NME5: variants seen among roughly 807,000 people sequenced by gnomAD.
The protein encoded by NME5 is NME/NM23 family member 5.
A neutral mutation model predicts 21.6 loss-of-function variants in NME5; 18 were observed. The observed-to-expected ratio is 0.83, with a 90% CI of 0.58 to 1.24. NME5 has a LOEUF of 1.24. Ranked by LOEUF, NME5 falls within the 50% of genes most tolerant of loss-of-function variation. NME5 has a pLI of 0.00. For synonymous variants in NME5, 70 were observed against 80.6 expected (o/e 0.87, Z 0.71); for missense variants, 223 against 255.4 (o/e 0.87, Z 0.86).
intron 4 of NME5, among the ~76,000 whole-genome samples, chr5:138,120,586 T>C (rs1047360163): frequency 1.3e-5 from 2 of 152,164 alleles, no homozygotes; most frequent in Non-Finnish European, 2.9e-5. Flanking sequence ...AGCTTTTAAT[T>C]TGATTTAGTC....
intron 4 of NME5, among the ~76,000 whole-genome samples, chr5:138,125,197 C>T (rs929487324): frequency 1.3e-4 from 20 of 152,148 alleles, no homozygotes; most frequent in African/African-American, 4.3e-4. Flanking sequence ...GTTGGAATCA[C>T]AGGTGTGAGC....
intron 4 of NME5, among the ~76,000 whole-genome samples, chr5:138,124,567 G>C (rs1672441823): frequency 6.6e-6 from 1 of 152,136 alleles, no homozygotes; most frequent in African/African-American, 2.4e-5. Flanking sequence ...TGTCACCCAA[G>C]TGAAGTACAG....
Position 138,138,513 on chromosome 5 carries a change from A to G in NME5, c.129+139T>C, listed in dbSNP as rs1361763296. The G allele has an allele frequency of 1.2e-5, 8 of 689,596 alleles. No homozygotes were observed. The South Asian group carries it at 1.6e-4, about 14-fold the overall frequency. The allele number at this position is 689,596 out of a possible 1,614,324, so 42.7% of individuals were successfully genotyped here. A position where few individuals can be genotyped will look rare whatever the true frequency, so the allele number is the denominator to read the frequency against. The stretch of plus-strand genomic sequence containing the variant: ...TACATCCTTTTAAAAACTATCACAT[A>G]TAACTTTTATACTTAGAAGAATAAA... On this transcript the variant is annotated intron_variant, in intron 2 of 5. Coordinates refer to ENST00000265191, the MANE Select transcript of NME5 (RefSeq NM_003551.3).
intron 4 of NME5, among the ~76,000 whole-genome samples, chr5:138,122,441 T>TAAAAAAAAAAAAAAAAAA (rs70979581): frequency 0.015 from 507 of 34,462 alleles, 12 homozygotes; most frequent in Non-Finnish European, 0.018. Context: ...ACTCTGTCTC[T>TAAAAAAAAAAAAAAAAAA]AAAAAAAAAA....
In NME5 at chr5:138,118,873, G is replaced by T. The variant is rs779147353; in HGVS notation, c.500C>A (p.Pro167Gln). ...CTCTGTGAGTCCTTCAAGCAGAGTTGGCATTATATGTAAATTTAAATAGTC... is the reference window on the plus strand; with the variant it reads ...CTCTGTGAGTCCTTCAAGCAGAGTTTGCATTATATGTAAATTTAAATAGTC... Reference protein sequence around the residue: ...AKDYLNLHIMPTLLEGLTELC... With the variant: ...AKDYLNLHIMQTLLEGLTELC... Residue 167 changes from proline (P) to glutamine (Q), a missense_variant, in exon 5 of 6, where the codon CCA (proline) becomes CAA (glutamine). Coordinates refer to ENST00000265191, the MANE Select transcript of NME5 (RefSeq NM_003551.3). The T allele has an allele frequency of 9.9e-6, 16 of 1,613,638 alleles. No individual in the cohort carries two copies. Among genetic ancestry groups the T allele is most frequent in the Admixed American group, 1.7e-5 (1 of 59,996 alleles).
chr5:138,116,192 G>A (rs1751153070), intron 5 of NME5: 1 of 153,558 alleles, frequency 6.5e-6, no homozygotes, highest in Non-Finnish European at 1.4e-5. Flanking sequence ...GAAGCGAAAG[G>A]CTTATACATT....
chr5:138,122,020 T>C (rs760619258), intron 4 of NME5, among the ~76,000 whole-genome samples: 5 of 152,096 alleles, frequency 3.3e-5, no homozygotes, highest in Admixed American at 1.3e-4. Flanking sequence ...TTAGAAAGAA[T>C]TGCCATCTTA....
chr5:138,123,912 C>T, intron 4 of NME5, among the ~76,000 whole-genome samples: 1 of 150,544 alleles, frequency 6.6e-6, no homozygotes. Context: ...TGATAATAGC[C>T]ATCCTAACGT....
At chr5:138,134,920 G>T (rs1451077692) in intron 2 of NME5, among the ~76,000 whole-genome samples, 1 of 147,992 alleles carries the variant, frequency 6.8e-6, no homozygotes, top group Non-Finnish European at 1.5e-5. Flanking sequence ...TTTCGCTGTG[G>T]TCTCAATCTC....
intron 4 of NME5, among the ~76,000 whole-genome samples, chr5:138,122,807 A>T (rs1751316963): frequency 6.6e-6 from 1 of 151,476 alleles, no homozygotes; most frequent in Non-Finnish European, 1.5e-5. Flanking sequence ...CCTCCTGAGT[A>T]GCTGGGATTA....
intron 2 of NME5, among the ~76,000 whole-genome samples, chr5:138,135,310 A>C (rs1405181994): frequency 7.5e-6 from 1 of 132,732 alleles, no homozygotes. Flanking sequence ...ACAGAGCGAG[A>C]CTCCGTCTCA....
At chr5:138,138,580 C>G (rs1751773411) in intron 2 of NME5, 72 bp downstream of exon 2, 2 of 1,360,720 alleles carry the variant, frequency 1.5e-6, no homozygotes, top group Non-Finnish European at 1.0e-6. Context: ...AATGGGTAGG[C>G]ACATTTACAT....
chr5:138,128,736 C>T lies in NME5; in HGVS notation c.336-157G>A, dbSNP rs2151164859. Reference sequence around the variant, plus strand: ...AATTTAAGCTTAAATTTAAGCTTATCTATCTAGATAAGGATCAAATATATT... The same window carrying T: ...AATTTAAGCTTAAATTTAAGCTTATTTATCTAGATAAGGATCAAATATATT... On this transcript the variant is annotated intron_variant, in intron 3 of 5. Transcript: ENST00000265191. The T allele has an allele frequency of 1.6e-5, 9 of 554,366 alleles. No individual in the cohort carries two copies. The South Asian group carries it at 2.1e-4, about 13-fold the overall frequency. 34.3% of individuals were successfully genotyped at this position (554,366 alleles called of 1,614,324 possible).
At chr5:138,117,158 G>A (rs75845870) in intron 5 of NME5, among the ~76,000 whole-genome samples, 29,722 of 141,956 alleles carry the variant, frequency 0.21, 3,289 homozygotes, top group African/African-American at 0.27. Flanking sequence ...GAAGTGAGCC[G>A]AGATGGCGCC....
At chr5:138,125,051 TA>T (rs1356251241) in intron 4 of NME5, among the ~76,000 whole-genome samples, 3 of 151,940 alleles carry the variant, frequency 2.0e-5, no homozygotes, top group African/African-American at 2.4e-5. Context: ...GCCTCCAGAG[TA>T]GCTGGGACTA....
chr5:138,131,941 C>T (rs868750695), intron 2 of NME5, among the ~76,000 whole-genome samples: 1 of 152,088 alleles, frequency 6.6e-6, no homozygotes, highest in Non-Finnish European at 1.5e-5. Flanking sequence ...ACAGGTTTTT[C>T]GCTTTGTTGG....
At chr5:138,138,564 G>C (rs1348620030) in intron 2 of NME5, 88 bp downstream of exon 2, 3 of 1,094,848 alleles carry the variant, frequency 2.7e-6, no homozygotes, top group Admixed American at 2.3e-5. Flanking sequence ...GAACACTAAG[G>C]GTTTAAATGG....
At chr5:138,128,145 G>A (rs1257331533) in intron 4 of NME5, among the ~76,000 whole-genome samples, 1 of 152,188 alleles carries the variant, frequency 6.6e-6, no homozygotes, top group Non-Finnish European at 1.5e-5. Context: ...GAGCCCAGGA[G>A]TTTGAGGCTG....
intron 5 of NME5, among the ~76,000 whole-genome samples, chr5:138,117,204 C>CAAA (rs34623624): frequency 1.1e-4 from 7 of 63,544 alleles, no homozygotes; most frequent in Admixed American, 2.2e-4. Flanking sequence ...GACCCTGTCT[C>CAAA]AAAAAAAAAA....
Sources: gnomAD v4.1 joint callset for allele counts (sites outside exome capture counted in the v4.1 genomes callset) on GRCh38, gnomAD v4.1.1 for gene constraint, MANE v1.5 for transcripts, NCBI Gene and HGNC (gene_info 2026-07-23, HGNC 2026-07-21) for gene names.